The following ANKS1B variants were observed in gnomAD, a reference collection of about 807,000 sequenced individuals.
The protein encoded by ANKS1B is ankyrin repeat and sterile alpha motif domain containing 1B.
ANKS1B carries 36 observed loss-of-function variants against 148.3 expected under a neutral mutation model. The ratio of observed to expected loss-of-function variants is 0.24; its 90% CI spans 0.19 to 0.32. ANKS1B has a LOEUF of 0.32. Ranked by LOEUF, ANKS1B falls within the 10% of genes least tolerant of loss-of-function variation. The pLI is 1.00. For synonymous variants in ANKS1B, 542 were observed against 560.8 expected (o/e 0.97, Z 0.47); for missense variants, 1,157 against 1,542.6 (o/e 0.75, Z 4.19).
chr12:99,831,776 A>C (rs2084046161), intron 1 of ANKS1B, among the ~76,000 whole-genome samples: 1 of 152,064 alleles, frequency 6.6e-6, no homozygotes, highest in African/African-American at 2.4e-5. Context: ...CCAACAGAGT[A>C]GCCAGGGATC....
intron 11 of ANKS1B, among the ~76,000 whole-genome samples, chr12:99,408,644 T>C (rs1206714813): frequency 1.4e-5 from 2 of 144,716 alleles, no homozygotes; most frequent in African/African-American, 5.3e-5. Context: ...ATCAAAAAAC[T>C]GAAAAGGAAA....
chr12:99,949,645 A>G (rs1267777372), intron 1 of ANKS1B, among the ~76,000 whole-genome samples: 2 of 152,200 alleles, frequency 1.3e-5, no homozygotes, highest in Non-Finnish European at 2.9e-5. Flanking sequence ...CAAAAAAGAC[A>G]GCCAAGTCCA....
At chr12:99,015,360 C>A (rs60460036) in intron 17 of ANKS1B, among the ~76,000 whole-genome samples, 1 of 151,884 alleles carries the variant, frequency 6.6e-6, no homozygotes, top group Non-Finnish European at 1.5e-5. Flanking sequence ...TGGGGCCTTT[C>A]GGAGGGCAGA....
intron 16 of ANKS1B, among the ~76,000 whole-genome samples, chr12:99,059,509 C>A (rs1256233300): frequency 6.6e-6 from 1 of 152,030 alleles, no homozygotes; most frequent in Non-Finnish European, 1.5e-5. Flanking sequence ...ATATCAAGAA[C>A]CAGTTCCAGA....
At chr12:99,489,204 T>G (rs1779854753) in intron 10 of ANKS1B, among the ~76,000 whole-genome samples, 1 of 147,120 alleles carries the variant, frequency 6.8e-6, no homozygotes, top group African/African-American at 2.5e-5. Flanking sequence ...ATGACGCCAT[T>G]GCACTCCAGC....
intron 16 of ANKS1B, among the ~76,000 whole-genome samples, chr12:99,075,359 C>T (rs551088163): frequency 1.4e-3 from 219 of 152,240 alleles, no homozygotes; most frequent in Middle Eastern, 3.4e-3. Flanking sequence ...TGGAAGAAGC[C>T]AGGGTCCCTG....
Position 99,564,396 on chromosome 12 carries a change from TAA to T in ANKS1B, c.1273-59757_1273-59756del, listed in dbSNP as rs1182804315. On this transcript the variant is annotated intron_variant, in intron 9 of 26. Transcript: ENST00000683438. ...ATTGATTGCTCAGTGAAAAAAAAAT[TAA>T]GTTATAATACTCTATATAAAATTAT... 5.4e-5 allele frequency among the ~76,000 whole-genome samples: 8 copies of T among 149,410 alleles called. No individual in the cohort carries two copies. The East Asian group carries it at 9.6e-4, about 18-fold the overall frequency.
chr12:98,862,071 T>G (rs979959694), intron 17 of ANKS1B, among the ~76,000 whole-genome samples: 3 of 152,244 alleles, frequency 2.0e-5, no homozygotes, highest in African/African-American at 7.2e-5. Context: ...ATTTGCCATA[T>G]CAATTTCTAA....
intron 10 of ANKS1B, among the ~76,000 whole-genome samples, chr12:99,458,349 C>T (rs1395900069): frequency 6.7e-6 from 1 of 149,900 alleles, no homozygotes. Context: ...AATCTAAAGT[C>T]ATATCTCAAG....
chr12:99,711,345 T>C (rs1372063117), intron 8 of ANKS1B, among the ~76,000 whole-genome samples: 1 of 152,080 alleles, frequency 6.6e-6, no homozygotes, highest in Non-Finnish European at 1.5e-5. Flanking sequence ...ATAGGTAAAT[T>C]TGTGTGATGT....
chr12:98,894,853 G>T (rs1281915696), intron 17 of ANKS1B: 1 of 980,526 alleles, frequency 1.0e-6, no homozygotes, highest in Non-Finnish European at 1.2e-6. Context: ...CCGAGCGCCG[G>T]GCTCTCCCCG....
intron 8 of ANKS1B, among the ~76,000 whole-genome samples, chr12:99,742,934 A>T (rs10400500): frequency 0.44 from 66,472 of 151,922 alleles, 14,964 homozygotes; most frequent in South Asian, 0.61. Context: ...TTTTTTAGCA[A>T]ATCCTCACAA....
Position 99,482,570 on chromosome 12 carries a change from A to G in ANKS1B, c.1438+21906T>C, listed in dbSNP as rs576907723. On this transcript the variant is annotated intron_variant, in intron 10 of 26. Coordinates refer to ENST00000683438, the MANE Select transcript of ANKS1B (RefSeq NM_001352186.2). ...GTTTTTTATAATTCTGTGAAAAATA[A>G]TGTTGGTATTTTGATGGGAATTGCA... is the stretch of plus-strand genomic sequence containing the variant. Among the ~76,000 whole-genome samples the G allele has an allele frequency of 2.6e-5, 4 of 151,992 alleles. No homozygotes were observed. The South Asian group carries it at 8.3e-4, about 32-fold the overall frequency.
intron 9 of ANKS1B, among the ~76,000 whole-genome samples, chr12:99,532,533 T>C (rs909823795): frequency 1.2e-4 from 19 of 152,162 alleles, no homozygotes; most frequent in African/African-American, 4.3e-4. Flanking sequence ...GCTAATTTTT[T>C]GCATTTTTAG....
intron 14 of ANKS1B, among the ~76,000 whole-genome samples, chr12:99,186,081 C>T (rs1387427451): frequency 6.6e-6 from 1 of 152,156 alleles, no homozygotes; most frequent in Non-Finnish European, 1.5e-5. Flanking sequence ...ATGACTGAGG[C>T]TTGAATAGGC....
At chr12:99,960,748 TA>T (rs2095399925) in intron 1 of ANKS1B, among the ~76,000 whole-genome samples, 1 of 152,106 alleles carries the variant, frequency 6.6e-6, no homozygotes, top group Non-Finnish European at 1.5e-5. Context: ...AAATACATAT[TA>T]AAAATAGTAA....
intron 21 of ANKS1B, among the ~76,000 whole-genome samples, chr12:98,799,717 C>T (rs942305728): frequency 6.6e-6 from 1 of 152,060 alleles, no homozygotes; most frequent in Non-Finnish European, 1.5e-5. Flanking sequence ...AAATGCCCCT[C>T]GTGCTCCAGC....
chr12:99,157,708 G>A (rs2076220141), intron 14 of ANKS1B, among the ~76,000 whole-genome samples: 1 of 152,100 alleles, frequency 6.6e-6, no homozygotes, highest in Admixed American at 6.6e-5. Context: ...AATGGGTACA[G>A]TGTACACTAT....
intron 14 of ANKS1B, among the ~76,000 whole-genome samples, chr12:99,243,687 C>T (rs2089772294): frequency 6.6e-6 from 1 of 152,188 alleles, no homozygotes. Context: ...CCATGGAATA[C>T]TATGCAGCCA....
Sources: allele counts gnomAD v4.1 joint callset (sites outside exome capture counted in the v4.1 genomes callset), GRCh38; gene constraint gnomAD v4.1.1; transcripts MANE v1.5; gene names NCBI Gene and HGNC (gene_info 2026-07-23, HGNC 2026-07-21).